Variants in IFT80 observed in about 807,000 individuals in gnomAD.
IFT80 encodes intraflagellar transport 80.
Under a neutral mutation model 107.9 loss-of-function variants are expected in IFT80, and 79 were observed. That is an observed-to-expected ratio of 0.73 (90% CI 0.61 to 0.88). The LOEUF is 0.88. IFT80 is among the 40% of genes least tolerant of loss of function. The probability of loss-of-function intolerance (pLI) is 0.00; values close to 1 mark genes in which losing one functional copy is unlikely to be tolerated. For missense variants in IFT80, 797 were observed against 914.2 expected (o/e 0.87, Z 1.65); for synonymous variants, 299 against 300.9 (o/e 0.99, Z 0.07).
chr3:160,389,085 G>A (rs561281682), intron 1 of IFT80, among the ~76,000 whole-genome samples: 3 of 152,278 alleles, frequency 2.0e-5, no homozygotes, highest in Non-Finnish European at 4.4e-5. Context: ...ATTTGTTACA[G>A]CAATAATATG....
chr3:160,374,807 T>C (rs963644192), intron 5 of IFT80, among the ~76,000 whole-genome samples: 1 of 152,220 alleles, frequency 6.6e-6, no homozygotes, highest in African/African-American at 2.4e-5. Context: ...AACAATAAGT[T>C]GACTTTTGCT....
At chr3:160,313,638 C>T (rs1576794782) in intron 9 of IFT80, among the ~76,000 whole-genome samples, 1 of 145,936 alleles carries the variant, frequency 6.9e-6, no homozygotes, top group Non-Finnish European at 1.5e-5. Context: ...AGACAAGAGT[C>T]TTGCTCTGTC....
intron 12 of IFT80, among the ~76,000 whole-genome samples, chr3:160,300,024 C>T (rs779204130): frequency 6.6e-6 from 1 of 152,038 alleles, no homozygotes; most frequent in African/African-American, 2.4e-5. Flanking sequence ...TCATTTTGAC[C>T]CAGTCACATG....
intron 1 of IFT80, among the ~76,000 whole-genome samples, chr3:160,398,533 A>G (rs1012530259): frequency 6.6e-6 from 1 of 152,246 alleles, no homozygotes; most frequent in Non-Finnish European, 1.5e-5. Flanking sequence ...GATTCTGATT[A>G]TAAAGTTGTA....
At chr3:160,316,093 T>C (rs1399238797) in intron 9 of IFT80, among the ~76,000 whole-genome samples, 2 of 152,138 alleles carry the variant, frequency 1.3e-5, no homozygotes, top group East Asian at 3.9e-4. Flanking sequence ...GAGATGTCAC[T>C]TCTGAGCTCG....
intron 18 of IFT80, among the ~76,000 whole-genome samples, chr3:160,276,162 A>T (rs1295834211): frequency 6.6e-6 from 1 of 152,160 alleles, no homozygotes; most frequent in Admixed American, 6.6e-5. Context: ...GAGCCACTGT[A>T]CCTGGCAGCC....
intron 19 of IFT80, among the ~76,000 whole-genome samples, chr3:160,263,934 G>A (rs1028542594): frequency 1.3e-5 from 2 of 152,138 alleles, no homozygotes; most frequent in Non-Finnish European, 2.9e-5. Context: ...GCCTCCCAAA[G>A]TGCTGGGATT....
At chr3:160,387,887 C>T (rs1713062660) in intron 1 of IFT80, among the ~76,000 whole-genome samples, 1 of 152,108 alleles carries the variant, frequency 6.6e-6, no homozygotes, top group Non-Finnish European at 1.5e-5. Context: ...GAATTGTTGG[C>T]ATTAAGATTC....
Position 160,277,636 on chromosome 3 carries a change from G to T in IFT80, c.1871C>A (p.Ala624Glu). ...QTMWACLAAM[A>E]VANRDMTTAE... ...AGTAGTCATATCTCGATTAGCAACT[G>T]CCATAGCAGCTAGACAAGCCCACAT... The change falls in exon 17 of 20, where the codon GCA becomes GAA. Residue 624 changes from alanine to glutamate, a missense_variant. Coordinates refer to ENST00000326448, the MANE Select transcript of IFT80 (RefSeq NM_020800.3). 1 of 1,613,582 alleles carries T rather than the reference G, an allele frequency of 6.2e-7. No individual in the cohort carries two copies. The highest frequency in any genetic ancestry group is 8.5e-7 in the Non-Finnish European group (1 of 1,179,686).
At chr3:160,347,484 T>G (rs1720373370) in intron 8 of IFT80, among the ~76,000 whole-genome samples, 1 of 152,132 alleles carries the variant, frequency 6.6e-6, no homozygotes, top group Non-Finnish European at 1.5e-5. Flanking sequence ...TTTAAAAGCT[T>G]TATTGCATCT....
At chr3:160,392,056 C>T (rs923867549) in intron 1 of IFT80, among the ~76,000 whole-genome samples, 2 of 152,144 alleles carry the variant, frequency 1.3e-5, no homozygotes, top group Non-Finnish European at 2.9e-5. Context: ...TTGATACAGA[C>T]TTTCATAAGG....
At chr3:160,268,606 G>A (rs2108210178) in intron 18 of IFT80, 70 bp from the exon 19 acceptor site, 1 of 1,459,676 alleles carries the variant, frequency 6.9e-7, no homozygotes, top group Admixed American at 1.7e-5. Context: ...GAGTTCTGGA[G>A]TTGGGGATAA....
intron 19 of IFT80, among the ~76,000 whole-genome samples, chr3:160,267,980 C>G (rs574863009): frequency 1.3e-5 from 2 of 152,210 alleles, no homozygotes; most frequent in African/African-American, 4.8e-5. Flanking sequence ...CTAGGCACTT[C>G]TAGGAGGTGC....
chr3:160,374,203 T>C lies in IFT80; in HGVS notation c.439+1609A>G, dbSNP rs542802910. Among the ~76,000 whole-genome samples the C allele has an allele frequency of 1.3e-4, 20 of 151,910 alleles. No homozygotes were observed. In the South Asian group the frequency reaches 2.7e-3, roughly 21 times the overall value. On this transcript the variant is annotated intron_variant, in intron 5 of 19. Transcript: ENST00000326448. The stretch of plus-strand genomic sequence containing the variant: ...GCTCACACCTGCAATCCCAACACTT[T>C]GGGAGGCTAAAGCAGGAGGATCACT...
chr3:160,319,075 T>C (rs1559937132), intron 9 of IFT80, among the ~76,000 whole-genome samples: 1 of 152,096 alleles, frequency 6.6e-6, no homozygotes, highest in Non-Finnish European at 1.5e-5. Flanking sequence ...CTACTCTTCA[T>C]CAAATGTAGC....
At chr3:160,382,185 AT>A (rs1388024228) in intron 2 of IFT80, among the ~76,000 whole-genome samples, 1 of 152,204 alleles carries the variant, frequency 6.6e-6, no homozygotes, top group Admixed American at 6.5e-5. Flanking sequence ...TAAGGAAAAA[AT>A]AATCAAGTGT....
chr3:160,366,588 G>A (rs185587699), intron 5 of IFT80, among the ~76,000 whole-genome samples: 3 of 152,098 alleles, frequency 2.0e-5, no homozygotes, highest in Admixed American at 2.0e-4. Flanking sequence ...TTTGCAACTA[G>A]TTCAACAAAT....
intron 16 of IFT80, 98 bp downstream of exon 16, chr3:160,279,095 A>G (rs1013909111): frequency 2.1e-6 from 2 of 938,566 alleles, no homozygotes; most frequent in East Asian, 5.1e-5. Context: ...CTTATTCACA[A>G]TTTTTCCAGC....
chr3:160,369,573 TG>T (rs1722092846), intron 5 of IFT80, among the ~76,000 whole-genome samples: 1 of 151,960 alleles, frequency 6.6e-6, no homozygotes, highest in Non-Finnish European at 1.5e-5. Context: ...TGAAATAATT[TG>T]TATTATTATG....
Sources: gnomAD v4.1 joint callset for allele counts (sites outside exome capture counted in the v4.1 genomes callset) on GRCh38, gnomAD v4.1.1 for gene constraint, MANE v1.5 for transcripts, NCBI Gene and HGNC (gene_info 2026-07-23, HGNC 2026-07-21) for gene names.